Variants in SYN3 observed in about 807,000 individuals in gnomAD.
The protein encoded by SYN3 is synapsin-3.
Under a neutral mutation model 65.8 loss-of-function variants are expected in SYN3, and 35 were observed. The observed-to-expected ratio is 0.53, with a 90% CI of 0.41 to 0.70. The LOEUF (loss-of-function observed/expected upper bound fraction) is 0.70, where lower values mean the gene tolerates loss of function less well. Ranked by LOEUF, SYN3 falls within the 30% of genes least tolerant of loss-of-function variation. The probability of loss-of-function intolerance (pLI) is 0.00; values close to 1 mark genes in which losing one functional copy is unlikely to be tolerated. For missense variants in SYN3, 680 were observed against 749.0 expected, an observed-to-expected ratio of 0.91 and a Z score of 1.08; for synonymous variants, 270 against 292.9, an observed-to-expected ratio of 0.92 and a Z score of 0.80.
Position 32,725,780 on chromosome 22 carries a change from A to T in SYN3, c.712-129044T>A, listed in dbSNP as rs1341541026. Among the ~76,000 whole-genome samples, 4 of 152,202 alleles carry T rather than the reference A, an allele frequency of 2.6e-5. No individual in the cohort carries two copies. In the East Asian group the frequency reaches 7.7e-4, roughly 29 times the overall value. On this transcript the variant is annotated intron_variant, in intron 6 of 13. Coordinates refer to ENST00000358763, the MANE Select transcript of SYN3 (RefSeq NM_003490.4). ...TGACGTCCAAACAGGAAGATCATAAATTTGTGTTGTTTTAAGCCACTAAGT... is the reference window on the plus strand; with the variant it reads ...TGACGTCCAAACAGGAAGATCATAATTTTGTGTTGTTTTAAGCCACTAAGT...
At chr22:32,741,644 C>G (rs921398832) in intron 6 of SYN3, among the ~76,000 whole-genome samples, 3 of 152,044 alleles carry the variant, frequency 2.0e-5, no homozygotes, top group African/African-American at 7.2e-5. Flanking sequence ...CGTGAGCCAT[C>G]GTGCTTGCCC....
At chr22:32,535,933 G>A (rs565748053) in intron 9 of SYN3, among the ~76,000 whole-genome samples, 3 of 152,344 alleles carry the variant, frequency 2.0e-5, no homozygotes, top group East Asian at 1.9e-4. Flanking sequence ...TATGGATTTT[G>A]CTCCTGTGGG....
intron 6 of SYN3, among the ~76,000 whole-genome samples, chr22:32,660,803 C>T (rs2001921): frequency 0.26 from 40,171 of 151,878 alleles, 7,087 homozygotes; most frequent in East Asian, 0.71. Flanking sequence ...AGGGTCTTGG[C>T]CGAAAAAAAG....
chr22:32,671,313 C>A (rs2060358608), intron 6 of SYN3, among the ~76,000 whole-genome samples: 1 of 151,782 alleles, frequency 6.6e-6, no homozygotes, highest in Admixed American at 6.6e-5. Context: ...CACATTCACA[C>A]ACCTCCTGTC....
intron 4 of SYN3, among the ~76,000 whole-genome samples, chr22:32,921,836 G>T (rs931835208): frequency 1.4e-4 from 22 of 152,098 alleles, no homozygotes; most frequent in African/African-American, 4.6e-4. Flanking sequence ...ATTATTATTA[G>T]GAGGAGGAGG....
At chr22:32,617,888 C>T (rs1256982354) in intron 6 of SYN3, among the ~76,000 whole-genome samples, 2 of 151,804 alleles carry the variant, frequency 1.3e-5, no homozygotes, top group East Asian at 1.9e-4. Flanking sequence ...CTGCCTTCTC[C>T]TCTATGCTGT....
chr22:32,518,287 G>A lies in SYN3; in HGVS notation c.1366C>T (p.Pro456Ser), dbSNP rs958983635. The A allele has an allele frequency of 6.2e-7, 1 of 1,610,754 alleles. No individual in the cohort carries two copies. Among genetic ancestry groups the A allele is most frequent in the Non-Finnish European group, 8.5e-7 (1 of 1,178,144 alleles). Residue 456 changes from proline to serine, a missense_variant, in exon 13 of 14, where the codon CCC becomes TCC. Transcript: ENST00000358763. ...TGTGGGGAGAGCCTCTGTTGGGAGG[G>A]GCTTCCAGATCTCTGGGGCTGAGGA... ...QSPQPQRSGS[P>S]SQQRLSPQGQ...
intron 6 of SYN3, among the ~76,000 whole-genome samples, chr22:32,695,592 G>C (rs951774921): frequency 1.3e-5 from 2 of 152,112 alleles, no homozygotes; most frequent in African/African-American, 4.8e-5. Context: ...CAGATTCATG[G>C]GTCCTCTGAC....
intron 6 of SYN3, among the ~76,000 whole-genome samples, chr22:32,803,021 CT>C (rs2046632125): frequency 1.3e-5 from 2 of 152,206 alleles, no homozygotes; most frequent in South Asian, 4.1e-4. Context: ...CGAGAGCATC[CT>C]GGGAGGCTTG....
chr22:32,855,746 G>C (rs2048345673), intron 6 of SYN3, among the ~76,000 whole-genome samples: 1 of 152,074 alleles, frequency 6.6e-6, no homozygotes, highest in Admixed American at 6.6e-5. Context: ...ACGAACTGTT[G>C]TGACAACCAA....
intron 4 of SYN3, among the ~76,000 whole-genome samples, chr22:32,916,302 A>T (rs1194778995): frequency 6.6e-6 from 1 of 152,238 alleles, no homozygotes; most frequent in African/African-American, 2.4e-5. Flanking sequence ...ACAGATTGAA[A>T]GCAAATAAAA....
At chr22:32,550,033 C>T (rs867392754) in intron 7 of SYN3, among the ~76,000 whole-genome samples, 16 of 151,974 alleles carry the variant, frequency 1.1e-4, no homozygotes, top group African/African-American at 3.6e-4. Context: ...TGGAATCAAG[C>T]AAAAATGGTT....
chr22:32,532,068 TG>T (rs1332562436), intron 10 of SYN3, among the ~76,000 whole-genome samples: 1 of 152,196 alleles, frequency 6.6e-6, no homozygotes, highest in East Asian at 1.9e-4. Context: ...GAGAGACTGC[TG>T]GTGCAAGGGA....
chr22:32,942,101 G>A (rs2146764068), intron 3 of SYN3, among the ~76,000 whole-genome samples: 1 of 152,296 alleles, frequency 6.6e-6, no homozygotes, highest in Admixed American at 6.5e-5. Flanking sequence ...GAGAGTAGTG[G>A]TTCTCCCAGC....
intron 6 of SYN3, among the ~76,000 whole-genome samples, chr22:32,810,388 A>G (rs1458356606): frequency 6.6e-6 from 1 of 152,152 alleles, no homozygotes; most frequent in Non-Finnish European, 1.5e-5. Context: ...GAGACAAGAA[A>G]CTATAAGTGT....
At chr22:32,682,507 C>T (rs1054556144) in intron 6 of SYN3, among the ~76,000 whole-genome samples, 1 of 152,084 alleles carries the variant, frequency 6.6e-6, no homozygotes, top group Non-Finnish European at 1.5e-5. Context: ...TCATCCCCTT[C>T]TAGGGTGGAA....
At chr22:32,519,974 G>GTTTTCATATTTT (rs1333937373) in intron 12 of SYN3, among the ~76,000 whole-genome samples, 4 of 152,098 alleles carry the variant, frequency 2.6e-5, no homozygotes, top group Non-Finnish European at 4.4e-5. Context: ...TGTGGGTTAG[G>GTTTTCATATTTT]CATTATTTTC....
intron 6 of SYN3, chr22:32,859,344 G>A (rs1488001077): frequency 5.0e-6 from 8 of 1,612,898 alleles, no homozygotes; most frequent in East Asian, 2.2e-5. Flanking sequence ...GGGCCCCCCC[G>A]GATAAAAGCA....
At chr22:32,792,102 C>A (rs932643880) in intron 6 of SYN3, among the ~76,000 whole-genome samples, 3 of 152,216 alleles carry the variant, frequency 2.0e-5, no homozygotes, top group African/African-American at 7.2e-5. Flanking sequence ...CTGTGCCATG[C>A]ATCTTATTCA....
Sources: allele counts gnomAD v4.1 joint callset (sites outside exome capture counted in the v4.1 genomes callset), GRCh38; gene constraint gnomAD v4.1.1; transcripts MANE v1.5; gene names NCBI Gene and HGNC (gene_info 2026-07-23, HGNC 2026-07-21).